Variants in BTBD16 observed in about 807,000 individuals in gnomAD.
The protein encoded by BTBD16 is BTB domain containing 16.
In BTBD16, 66 loss-of-function variants were observed where a neutral mutation model predicts 67.4. The ratio of observed to expected loss-of-function variants is 0.98; its 90% CI spans 0.80 to 1.20. The LOEUF is 1.20. BTBD16 is among the 50% of genes most tolerant of loss of function. BTBD16 has a pLI of 0.00. For missense variants in BTBD16, 634 were observed against 616.0 expected, an observed-to-expected ratio of 1.03 and a Z score of -0.31; for synonymous variants, 242 against 236.4, an observed-to-expected ratio of 1.02 and a Z score of -0.22.
intron 10 of BTBD16, among the ~76,000 whole-genome samples, chr10:122,316,689 T>A (rs1384804006): frequency 6.6e-6 from 1 of 152,018 alleles, no homozygotes; most frequent in African/African-American, 2.4e-5. Context: ...AGGGCACTTA[T>A]CATGCATGGA....
chr10:122,278,370 C>T (rs1460694998), intron 3 of BTBD16, among the ~76,000 whole-genome samples: 1 of 152,220 alleles, frequency 6.6e-6, no homozygotes, highest in African/African-American at 2.4e-5. Flanking sequence ...GGCTAACCCT[C>T]TTTGGGCCTC....
chr10:122,332,485 C>T lies in BTBD16; in HGVS notation c.1136C>T (p.Ala379Val). The change falls in exon 13 of 16, where the codon GCT becomes GTT. Residue 379 changes from alanine (A) to valine (V), a missense_variant. Physicochemically the swap from Ala to Val is moderately conservative, Grantham distance 64. Coordinates refer to ENST00000260723, the MANE Select transcript of BTBD16 (RefSeq NM_144587.5). ...CACCTGAAAGATCTTAACACCCAGG[C>T]TGTGAGATTTGGGCTGCTCTTTAAC... is the stretch of plus-strand genomic sequence containing the variant. ...MVHLKDLNTQ[A>V]VRFGLLFNQE... 6.2e-7 allele frequency: 1 copy of T among 1,614,044 alleles called. No homozygotes were observed. Among genetic ancestry groups the T allele is most frequent in the South Asian group, 1.1e-5 (1 of 91,080 alleles).
intron 5 of BTBD16, among the ~76,000 whole-genome samples, chr10:122,288,189 G>T (rs1292188520): frequency 6.6e-6 from 1 of 152,210 alleles, no homozygotes; most frequent in Non-Finnish European, 1.5e-5. Context: ...GCCACCTCCT[G>T]CATGCCTACT....
intron 11 of BTBD16, 102 bp from the exon 12 acceptor site, chr10:122,331,074 T>G (rs2096454280): frequency 1.3e-6 from 2 of 1,481,706 alleles, no homozygotes; most frequent in Non-Finnish European, 1.8e-6. Flanking sequence ...CCCTTTCCCT[T>G]CCCTCAGCTC....
At chr10:122,309,929 G>A (rs892550272) in intron 10 of BTBD16, among the ~76,000 whole-genome samples, 2 of 151,178 alleles carry the variant, frequency 1.3e-5, no homozygotes, top group African/African-American at 2.4e-5. Flanking sequence ...GTGCCACCAC[G>A]CCCAGCTAAT....
chr10:122,272,815 G>A (rs2096331850), intron 1 of BTBD16, among the ~76,000 whole-genome samples: 2 of 152,096 alleles, frequency 1.3e-5, no homozygotes, highest in Non-Finnish European at 2.9e-5. Flanking sequence ...AGTGTCCCCA[G>A]TACATAGAGG....
chr10:122,333,266 C>T (rs953234312), intron 13 of BTBD16, among the ~76,000 whole-genome samples: 4 of 152,120 alleles, frequency 2.6e-5, no homozygotes, highest in Admixed American at 1.3e-4. Context: ...ATGGAGATCA[C>T]AGAGCCAGGA....
intron 2 of BTBD16, among the ~76,000 whole-genome samples, 188 bp from the exon 3 acceptor site, chr10:122,276,603 G>A (rs2096341032): frequency 6.6e-6 from 1 of 152,202 alleles, no homozygotes; most frequent in South Asian, 2.1e-4. Context: ...TGTAGCTTGA[G>A]ATCCTTGGTC....
rs188101450 is a variant in BTBD16 at position 122,286,857 on chromosome 10, G to A, written c.385+609G>A. Among the ~76,000 whole-genome samples the A allele has an allele frequency of 2.2e-4, 33 of 152,008 alleles. No homozygotes were observed. The East Asian group carries it at 3.5e-3, about 16-fold the overall frequency. On this transcript the variant is annotated intron_variant, in intron 5 of 15. Transcript: ENST00000260723. ...CCTCCTCTCACCTGGTCTCTAAGTC[G>A]TCTCCATCTGCACTGCCAGCTGCTG... is the stretch of plus-strand genomic sequence containing the variant.
intron 10 of BTBD16, among the ~76,000 whole-genome samples, chr10:122,316,939 C>T (rs899623697): frequency 6.6e-6 from 1 of 152,196 alleles, no homozygotes; most frequent in Non-Finnish European, 1.5e-5. Context: ...AGGCATGTGT[C>T]AGTGCGCCCG....
At chr10:122,286,396 C>A in intron 5 of BTBD16, 148 bp downstream of exon 5, 1 of 1,174,278 alleles carries the variant, frequency 8.5e-7, no homozygotes, top group Non-Finnish European at 1.1e-6. Context: ...CCATGACAGC[C>A]TCAGTTTCCT....
At chr10:122,330,973 T>C (rs1439330059) in intron 11 of BTBD16, among the ~76,000 whole-genome samples, 1 of 152,232 alleles carries the variant, frequency 6.6e-6, no homozygotes, top group African/African-American at 2.4e-5. Flanking sequence ...CGATTTGGAA[T>C]ATAAAAGTAA....
intron 11 of BTBD16, among the ~76,000 whole-genome samples, chr10:122,329,886 A>T (rs938600207): frequency 3.3e-5 from 5 of 152,198 alleles, no homozygotes; most frequent in African/African-American, 1.2e-4. Flanking sequence ...ACCTCTTCAC[A>T]TGCTTCACTT....
At chr10:122,291,743 G>C (rs2096374461) in intron 7 of BTBD16, 1 of 152,170 alleles carries the variant, frequency 6.6e-6, no homozygotes, top group Non-Finnish European at 1.5e-5. Flanking sequence ...TTTTGGAAGA[G>C]AGGAAAATGC....
chr10:122,329,556 C>G lies in BTBD16; in HGVS notation c.988C>G (p.His330Asp). 6.2e-7 allele frequency: 1 copy of G among 1,613,864 alleles called. No individual in the cohort carries two copies. The highest frequency in any genetic ancestry group is 8.5e-7 in the Non-Finnish European group (1 of 1,180,020). Residue 330 changes from histidine (H) to aspartate (D), a missense_variant, in exon 11 of 16, where the codon CAC (histidine) becomes GAC (aspartate). His to Asp is a moderately conservative substitution (Grantham distance 81, BLOSUM62 -1). Coordinates refer to ENST00000260723, the MANE Select transcript of BTBD16 (RefSeq NM_144587.5). ...LRPLFLCLRLHGITKGKDLEV... is the reference protein window; with the variant it reads ...LRPLFLCLRLDGITKGKDLEV... The stretch of plus-strand genomic sequence containing the variant: ...GCCGCTCTTCCTCTGCTTGCGTCTG[C>G]ACGGCATCACCAAAGGTAAGCCCCA...
chr10:122,334,417 G>A (rs940333822), intron 13 of BTBD16, among the ~76,000 whole-genome samples: 12 of 142,228 alleles, frequency 8.4e-5, no homozygotes, highest in Non-Finnish European at 1.8e-4. Flanking sequence ...GGATGGTCTT[G>A]ATCTTCTGAC....
intron 7 of BTBD16, among the ~76,000 whole-genome samples, chr10:122,296,796 A>G (rs1169556036): frequency 6.6e-6 from 1 of 152,212 alleles, no homozygotes; most frequent in Non-Finnish European, 1.5e-5. Context: ...AGAGGAGGTG[A>G]TGCTGGAGCT....
chr10:122,325,666 A>G (rs184494781), intron 10 of BTBD16, among the ~76,000 whole-genome samples: 15 of 152,054 alleles, frequency 9.9e-5, no homozygotes, highest in Middle Eastern at 3.4e-3. Context: ...GGTTTTGTAT[A>G]TATAGATAGA....
chr10:122,276,793 C>T lies in BTBD16; in HGVS notation c.21C>T (p.His7=). The T allele has an allele frequency of 6.2e-7, 1 of 1,613,798 alleles. No homozygotes were observed. Among genetic ancestry groups the T allele is most frequent in the Non-Finnish European group, 8.5e-7 (1 of 1,179,824 alleles). Reference sequence around the variant, plus strand: ...CTCTTTCTTTGATTACCAAGCAGCACAAAGCTCGGCTGGAACGCCGGGTCA... The same window carrying T: ...CTCTTTCTTTGATTACCAAGCAGCATAAAGCTCGGCTGGAACGCCGGGTCA... MIMSNT[H]KARLERRVTG... is the part of the protein sequence containing the mutation. Residue 7 remains histidine (H), a splice_region_variant and synonymous_variant, in exon 3 of 16, where the codon CAC becomes CAT. Coordinates refer to ENST00000260723, the MANE Select transcript of BTBD16 (RefSeq NM_144587.5).
Sources: allele counts gnomAD v4.1 joint callset (sites outside exome capture counted in the v4.1 genomes callset), GRCh38; gene constraint gnomAD v4.1.1; transcripts MANE v1.5; gene names NCBI Gene and HGNC (gene_info 2026-07-23, HGNC 2026-07-21).